Variants in LMCD1 observed in about 807,000 individuals in gnomAD.
The protein encoded by LMCD1 is LIM and cysteine-rich domains protein 1.
Under a neutral mutation model 42.7 loss-of-function variants are expected in LMCD1, and 32 were observed. That is an observed-to-expected ratio of 0.75 (90% CI 0.57 to 1.01). The LOEUF is 1.01. Among genes scored for constraint, LMCD1 ranks in the 50% least tolerant of loss-of-function variants. The pLI, the probability that LMCD1 is intolerant of heterozygous loss-of-function variation, is 0.00. For synonymous variants in LMCD1, 178 were observed against 184.9 expected (o/e 0.96, Z 0.30); for missense variants, 458 against 483.1 (o/e 0.95, Z 0.49).
chr3:8,535,782 G>A (rs1330274308), intron 2 of LMCD1, among the ~76,000 whole-genome samples: 1 of 152,118 alleles, frequency 6.6e-6, no homozygotes, highest in Non-Finnish European at 1.5e-5. Flanking sequence ...GTCACAACAA[G>A]GCCTTCTTCT....
chr3:8,559,004 G>T (rs1041824264), intron 4 of LMCD1, among the ~76,000 whole-genome samples: 1 of 148,708 alleles, frequency 6.7e-6, no homozygotes, highest in Non-Finnish European at 1.5e-5. Context: ...ACTGAGGCAG[G>T]CTCAACCCTG....
At chr3:8,515,292 AT>A (rs539462790) in intron 1 of LMCD1, among the ~76,000 whole-genome samples, 1 of 152,220 alleles carries the variant, frequency 6.6e-6, no homozygotes, top group South Asian at 2.1e-4. Context: ...AATGTCACTC[AT>A]TCCCTGAACA....
chr3:8,548,892 G>A lies in LMCD1; in HGVS notation c.712G>A (p.Glu238Lys). The A allele has an allele frequency of 6.6e-7, 1 of 1,526,678 alleles. No homozygotes were observed. The allele number at this position is 1,526,678 out of a possible 1,614,324, so 94.6% of individuals were successfully genotyped here. The stretch of plus-strand genomic sequence containing the variant: ...CGGCAGTCTCAGTGACCCGTCCAAA[G>A]AAGTGGAATACGTAAGTTTCTCCCA... ...TNGSLSDPSK[E>K]VEYVCELCKG... is the part of the protein sequence containing the mutation. Residue 238 changes from glutamate to lysine, a missense_variant, in exon 4 of 6, where the codon GAA becomes AAA. Coordinates refer to ENST00000157600, the MANE Select transcript of LMCD1 (RefSeq NM_014583.4).
intron 3 of LMCD1, among the ~76,000 whole-genome samples, chr3:8,543,978 G>A (rs1390891890): frequency 6.6e-6 from 1 of 152,156 alleles, no homozygotes; most frequent in Non-Finnish European, 1.5e-5. Context: ...CTCCTAAGAC[G>A]GGGTCAGGAC....
chr3:8,522,439 G>T (rs61363182), intron 1 of LMCD1, among the ~76,000 whole-genome samples: 1 of 152,112 alleles, frequency 6.6e-6, no homozygotes, highest in South Asian at 2.1e-4. Context: ...CTGCCCCAGG[G>T]GTGTGTTCCT....
At chr3:8,530,100 C>G (rs1359083855) in intron 1 of LMCD1, among the ~76,000 whole-genome samples, 1 of 152,188 alleles carries the variant, frequency 6.6e-6, no homozygotes, top group African/African-American at 2.4e-5. Context: ...TCACTTCTTG[C>G]TTCTAACGTA....
chr3:8,560,054 G>A (rs915862505), intron 4 of LMCD1, among the ~76,000 whole-genome samples: 7 of 152,174 alleles, frequency 4.6e-5, no homozygotes, highest in African/African-American at 1.7e-4. Flanking sequence ...TCATACTGCT[G>A]CGAGAATATC....
chr3:8,537,487 A>T (rs1694534781), intron 3 of LMCD1, 47 bp downstream of exon 3: 2 of 1,500,472 alleles, frequency 1.3e-6, no homozygotes, highest in Admixed American at 4.5e-5. Flanking sequence ...ATCCTCATAA[A>T]TACTAGCCAT....
At chr3:8,544,062 A>G (rs1033241437) in intron 3 of LMCD1, among the ~76,000 whole-genome samples, 1 of 152,166 alleles carries the variant, frequency 6.6e-6, no homozygotes, top group African/African-American at 2.4e-5. Context: ...TTGGTGGACT[A>G]TCTTGGCCTC....
intron 3 of LMCD1, among the ~76,000 whole-genome samples, chr3:8,547,932 C>A (rs983685224): frequency 1.3e-5 from 2 of 152,058 alleles, no homozygotes; most frequent in Non-Finnish European, 2.9e-5. Flanking sequence ...GATGGTGTAG[C>A]CTGCTACGCA....
At position 8,555,716 on chromosome 3, in the gene LMCD1, C is replaced by CTTTTTTT. The variant is rs35525213; in HGVS notation, c.723+6831_723+6837dup. 2.0e-3 allele frequency among the ~76,000 whole-genome samples: 128 copies of CTTTTTTT among 63,274 alleles called. 6 individuals carry two copies. The highest frequency in any genetic ancestry group is 3.8e-3 in the African/African-American group (51 of 13,564). The allele number at this position is 63,274 out of a possible 152,430, so 41.5% of individuals were successfully genotyped here. ...ATGTTGCCACATGGCCTTCAACGAG[C>CTTTTTTT]TTTTTTTTTTTTTTTTTTTTTTTTG... On this transcript the variant is annotated intron_variant, in intron 4 of 5. Transcript: ENST00000157600.
rs527592342 is a variant in LMCD1, at chr3:8,562,539, T to C, written c.724-2893T>C. On this transcript the variant is annotated intron_variant, in intron 4 of 5. Coordinates refer to ENST00000157600, the MANE Select transcript of LMCD1 (RefSeq NM_014583.4). ...GTCTCCTTGGGCCTCGCTGGTCTTA[T>C]CTATAAAATGAGTGCATTTCCTGTG... Among the ~76,000 whole-genome samples the C allele has an allele frequency of 5.3e-5, 8 of 152,314 alleles. No homozygotes were observed. In the East Asian group the frequency reaches 5.8e-4, roughly 11 times the overall value.
At chr3:8,550,633 G>A (rs1012148720) in intron 4 of LMCD1, 5 of 984,540 alleles carry the variant, frequency 5.1e-6, no homozygotes, top group Non-Finnish European at 6.0e-6. Flanking sequence ...TGGCAGTGAC[G>A]CATAAAAGGC....
intron 3 of LMCD1, among the ~76,000 whole-genome samples, chr3:8,547,333 G>A (rs944768241): frequency 1.3e-5 from 2 of 152,154 alleles, no homozygotes; most frequent in African/African-American, 4.8e-5. Context: ...CACACGCACA[G>A]AAAATAGCAT....
At chr3:8,537,833 C>T (rs1694541312) in intron 3 of LMCD1, among the ~76,000 whole-genome samples, 1 of 152,200 alleles carries the variant, frequency 6.6e-6, no homozygotes, top group Admixed American at 6.5e-5. Flanking sequence ...CTTTGCAAAC[C>T]TGTAGGAGAG....
rs116607909 is a variant in LMCD1, at chr3:8,522,245, C to T, written c.43-10492C>T. Among the ~76,000 whole-genome samples, 536 of 152,326 alleles carry T rather than the reference C, an allele frequency of 3.5e-3. 6 individuals are homozygous for T. The highest frequency in any genetic ancestry group is 0.012 in the African/African-American group (497 of 41,564). ...GATGTCAGCCTTGGTGGTCTCCAAT[C>T]ATCCCCTCCCCTGGAGGGGAAGGCA... On this transcript the variant is annotated intron_variant, in intron 1 of 5. Transcript: ENST00000157600.
intron 4 of LMCD1, among the ~76,000 whole-genome samples, chr3:8,552,762 C>T (rs1471021135): frequency 1.3e-5 from 2 of 152,132 alleles, no homozygotes; most frequent in Admixed American, 6.5e-5. Flanking sequence ...CTCACTCTGT[C>T]GCCCGGGCTG....
In LMCD1 at chr3:8,565,471, C is replaced by T; in HGVS notation, c.763C>T (p.Pro255Ser). The T allele has an allele frequency of 1.2e-6, 2 of 1,614,214 alleles. No individual in the cohort carries two copies. Among genetic ancestry groups the T allele is most frequent in the Non-Finnish European group, 1.7e-6 (2 of 1,180,044 alleles). The stretch of plus-strand genomic sequence containing the variant: ...CAAGGGAGCGGCCCCTCCTGACAGC[C>T]CCGTGGTCTACTCGGACAGGGCAGG... Reference protein sequence around the residue: ...LCKGAAPPDSPVVYSDRAGYN... With the variant: ...LCKGAAPPDSSVVYSDRAGYN... Residue 255 changes from proline to serine, a missense_variant, in exon 5 of 6, where the codon CCC (proline) becomes TCC (serine). Pro to Ser is a moderately conservative substitution (Grantham distance 74). Coordinates refer to ENST00000157600, the MANE Select transcript of LMCD1 (RefSeq NM_014583.4).
chr3:8,521,768 G>A (rs1262437038), intron 1 of LMCD1, among the ~76,000 whole-genome samples: 2 of 152,178 alleles, frequency 1.3e-5, no homozygotes, highest in African/African-American at 4.8e-5. Flanking sequence ...TATGCCAAGT[G>A]ATACTGTGAT....
Sources: allele counts gnomAD v4.1 joint callset (sites outside exome capture counted in the v4.1 genomes callset), GRCh38; gene constraint gnomAD v4.1.1; transcripts MANE v1.5; gene names NCBI Gene and HGNC (gene_info 2026-07-23, HGNC 2026-07-21).